Variants in SPEF2 observed in about 807,000 individuals in gnomAD.
The protein encoded by SPEF2 is sperm flagella and cilia-associated protein 2.
A neutral mutation model predicts 224.6 loss-of-function variants in SPEF2; 187 were observed. That is an observed-to-expected ratio of 0.83 (90% CI 0.74 to 0.94). SPEF2 has a LOEUF of 0.94. SPEF2 is among the 40% of genes least tolerant of loss of function. The pLI, the probability that SPEF2 is intolerant of heterozygous loss-of-function variation, is 0.00. For missense variants in SPEF2, 2,170 were observed against 2,135.6 expected (o/e 1.02, Z -0.32); for synonymous variants, 715 against 707.3 (o/e 1.01, Z -0.17).
intron 13 of SPEF2, among the ~76,000 whole-genome samples, chr5:35,695,217 T>C (rs1755121359): frequency 6.6e-6 from 1 of 152,016 alleles, no homozygotes; most frequent in South Asian, 2.1e-4. Context: ...TTACATATTC[T>C]ATTATACATT....
chr5:35,713,789 T>TATTATATATTTTATATATA (rs1411271465), intron 20 of SPEF2, among the ~76,000 whole-genome samples: 254 of 3,398 alleles, frequency 0.075, 2 homozygotes, highest in Non-Finnish European at 0.11. Context: ...TTATATATAG[T>TATTATATATTTTATATATA]GTTATATATT....
At chr5:35,709,358 T>C in intron 19 of SPEF2, 1 of 1,320,282 alleles carries the variant, frequency 7.6e-7, no homozygotes, top group Non-Finnish European at 9.6e-7. Context: ...CTAGGTCTAC[T>C]GATTAGAGTA....
chr5:35,751,056 CGTATATATATGTATATATATAT>C lies in SPEF2; in HGVS notation c.3331-2567_3331-2546del, dbSNP rs1380879399. Among the ~76,000 whole-genome samples, 100 of 28,546 alleles carry C rather than the reference CGTATATATATGTATATATATAT, an allele frequency of 3.5e-3. 3 individuals carry two copies. The highest frequency in any genetic ancestry group is 7.0e-3 in the East Asian group (7 of 994). The allele number at this position is 28,546 out of a possible 152,430, so 18.7% of individuals were successfully genotyped here. A position where few individuals can be genotyped will look rare whatever the true frequency, so the allele number is the denominator to read the frequency against. On this transcript the variant is annotated intron_variant, in intron 23 of 36. Coordinates refer to ENST00000356031, the MANE Select transcript of SPEF2 (RefSeq NM_024867.4). ...ATATACACATATGTATATATATATA[CGTATATATATGTATATATATAT>C]ACACACACACACACACACATATATA...
intron 10 of SPEF2, among the ~76,000 whole-genome samples, chr5:35,679,427 G>A (rs1488324274): frequency 2.0e-5 from 3 of 152,280 alleles, no homozygotes; most frequent in East Asian, 3.9e-4. Context: ...AAAGCTGGCA[G>A]GTTGGAAGGT....
intron 7 of SPEF2, 33 bp from the exon 8 acceptor site, chr5:35,658,986 C>T (rs1164014246): frequency 2.0e-6 from 3 of 1,475,700 alleles, no homozygotes; most frequent in South Asian, 1.5e-5. Context: ...ATTTGGACGT[C>T]ACTTTAACAA....
At chr5:35,752,025 A>T (rs2149723885) in intron 23 of SPEF2, among the ~76,000 whole-genome samples, 1 of 152,278 alleles carries the variant, frequency 6.6e-6, no homozygotes, top group Middle Eastern at 3.4e-3. Flanking sequence ...GAGGCATTAG[A>T]TTCTCATAAG....
At chr5:35,685,084 C>A (rs1753391031) in intron 10 of SPEF2, among the ~76,000 whole-genome samples, 2 of 152,016 alleles carry the variant, frequency 1.3e-5, no homozygotes, top group Non-Finnish European at 2.9e-5. Flanking sequence ...TTGAACAGTG[C>A]AGATTATTAT....
chr5:35,641,616 A>C lies in SPEF2; in HGVS notation c.347A>C (p.Glu116Ala), dbSNP rs1447543171. The C allele has an allele frequency of 6.2e-7, 1 of 1,613,636 alleles. No individual in the cohort carries two copies. Among genetic ancestry groups the C allele is most frequent in the Non-Finnish European group, 8.5e-7 (1 of 1,179,768 alleles). ...AAGAAAAGTGGACTGACTGGAGTGG[A>C]GATGCAAACCATGCAACGTCTGACA... Reference protein sequence around the residue: ...KKKKSGLTGVEMQTMQRLTNL... With the variant: ...KKKKSGLTGVAMQTMQRLTNL... Residue 116 changes from glutamate to alanine, a missense_variant, in exon 3 of 37, where the codon GAG becomes GCG. By Grantham distance (107) the Glu-to-Ala change is moderately radical. Coordinates refer to ENST00000356031, the MANE Select transcript of SPEF2 (RefSeq NM_024867.4).
At chr5:35,649,222 T>A (rs1747847195) in intron 5 of SPEF2, 139 bp from the exon 6 acceptor site, 10 of 643,236 alleles carry the variant, frequency 1.6e-5, no homozygotes, top group South Asian at 8.3e-5. Context: ...ATAAAAAAAA[T>A]TTTTAGAATG....
chr5:35,726,664 T>C (rs1232221423), intron 20 of SPEF2, among the ~76,000 whole-genome samples: 1 of 152,206 alleles, frequency 6.6e-6, no homozygotes, highest in African/African-American at 2.4e-5. Flanking sequence ...CATTAAATAA[T>C]ACTCATTAAA....
At position 35,751,096 on chromosome 5, in the gene SPEF2, C is replaced by CACACACAT. The variant is rs1554048857; in HGVS notation, c.3331-2527_3331-2526insCACACATA. ...ATATATATACACACACACACACACA[C>CACACACAT]ATATATATATATATATATATATGAT... On this transcript the variant is annotated intron_variant, in intron 23 of 36. Transcript: ENST00000356031. 2.0e-3 allele frequency among the ~76,000 whole-genome samples: 62 copies of CACACACAT among 30,618 alleles called. 6 individuals carry two copies. Among genetic ancestry groups the CACACACAT allele is most frequent in the Admixed American group, 9.6e-3 (23 of 2,386 alleles). The allele number at this position is 30,618 out of a possible 152,430, so 20.1% of individuals were successfully genotyped here. A position where few individuals can be genotyped will look rare whatever the true frequency, so the allele number is the denominator to read the frequency against.
chr5:35,710,191 T>C, intron 19 of SPEF2: 1 of 984,814 alleles, frequency 1.0e-6, no homozygotes, highest in Non-Finnish European at 1.2e-6. Flanking sequence ...CTTTTCCCGC[T>C]GTCTCATTAG....
At position 35,659,006 on chromosome 5, in the gene SPEF2, C is replaced by A; in HGVS notation, c.979-13C>A. 1.3e-6 allele frequency: 2 copies of A among 1,520,282 alleles called. No individual in the cohort carries two copies. The highest frequency in any genetic ancestry group is 1.3e-5 in the South Asian group (1 of 77,132). The allele number at this position is 1,520,282 out of a possible 1,614,324, so 94.2% of individuals were successfully genotyped here. A position where few individuals can be genotyped will look rare whatever the true frequency, so the allele number is the denominator to read the frequency against. On this transcript the variant is annotated splice_polypyrimidine_tract_variant and intron_variant, in intron 7 of 36. Coordinates refer to ENST00000356031, the MANE Select transcript of SPEF2 (RefSeq NM_024867.4). ...GACGTCACTTTAACAAATAATTCCC[C>A]TGGTGTTTTCAGGAGGCTTATCGGG...
At chr5:35,782,694 A>G (rs1561357020) in intron 30 of SPEF2, among the ~76,000 whole-genome samples, 5 of 152,124 alleles carry the variant, frequency 3.3e-5, no homozygotes, top group Admixed American at 1.3e-4. Context: ...AAAGAACTAA[A>G]GCTTAAGGGG....
At chr5:35,771,544 C>A in intron 26 of SPEF2, 65 bp from the exon 27 acceptor site, 1 of 1,554,506 alleles carries the variant, frequency 6.4e-7, no homozygotes, top group South Asian at 1.2e-5. Flanking sequence ...GTAATGACTA[C>A]ATCCAAATGG....
At chr5:35,686,699 A>G (rs189862468) in intron 10 of SPEF2, among the ~76,000 whole-genome samples, 1 of 152,090 alleles carries the variant, frequency 6.6e-6, no homozygotes, top group African/African-American at 2.4e-5. Context: ...CTTTATCTGG[A>G]TATCTTTTAT....
At chr5:35,738,947 T>G (rs1424346415) in intron 21 of SPEF2, among the ~76,000 whole-genome samples, 1 of 152,132 alleles carries the variant, frequency 6.6e-6, no homozygotes, top group East Asian at 1.9e-4. Context: ...CTCCCAAGCT[T>G]TACCAGCAAT....
At chr5:35,659,897 GAA>G (rs34164245) in intron 8 of SPEF2, among the ~76,000 whole-genome samples, 1 of 134,026 alleles carries the variant, frequency 7.5e-6, no homozygotes. Flanking sequence ...CTTGCCTTCT[GAA>G]AAAAAAAAAA....
intron 26 of SPEF2, among the ~76,000 whole-genome samples, chr5:35,764,043 G>A (rs1190538963): frequency 6.6e-6 from 1 of 151,978 alleles, no homozygotes; most frequent in Non-Finnish European, 1.5e-5. Context: ...CCTGCTTGCA[G>A]GGGCACATGC....
Sources: allele counts gnomAD v4.1 joint callset (sites outside exome capture counted in the v4.1 genomes callset), GRCh38; gene constraint gnomAD v4.1.1; transcripts MANE v1.5; gene names NCBI Gene and HGNC (gene_info 2026-07-23, HGNC 2026-07-21).